The following SNX29 variants were observed in gnomAD, a reference collection of about 807,000 sequenced individuals.
SNX29 encodes the protein sorting nexin-29.
A neutral mutation model predicts 102.1 loss-of-function variants in SNX29; 78 were observed. The ratio of observed to expected loss-of-function variants is 0.76; its 90% CI spans 0.64 to 0.92. The LOEUF (loss-of-function observed/expected upper bound fraction) is 0.92. Among genes scored for constraint, SNX29 ranks in the 40% least tolerant of loss-of-function variants. The pLI is 0.00. For synonymous variants in SNX29, 580 were observed against 414.5 expected (o/e 1.40, Z -4.85); for missense variants, 1,280 against 1,061.7 (o/e 1.21, Z -2.86).
chr16:12,199,269 G>A (rs1435692326), intron 13 of SNX29, among the ~76,000 whole-genome samples: 3 of 152,204 alleles, frequency 2.0e-5, no homozygotes, highest in Non-Finnish European at 4.4e-5. Flanking sequence ...GAGAAGACTA[G>A]AGTTCCTGAC....
chr16:12,215,232 C>T (rs1016048108), intron 14 of SNX29, among the ~76,000 whole-genome samples: 8 of 151,812 alleles, frequency 5.3e-5, no homozygotes, highest in African/African-American at 1.7e-4. Context: ...CGGCGGCTTC[C>T]ACCTGTAATC....
At position 12,571,958 on chromosome 16, in the gene SNX29, C is replaced by G; in HGVS notation, c.*3329C>G. The G allele has an allele frequency of 1.9e-6, 2 of 1,061,822 alleles. No individual in the cohort carries two copies. The highest frequency in any genetic ancestry group is 2.3e-6 in the Non-Finnish European group (2 of 877,046). The allele number at this position is 1,061,822 out of a possible 1,614,324, so 65.8% of individuals were successfully genotyped here. A position where few individuals can be genotyped will look rare whatever the true frequency, so the allele number is the denominator to read the frequency against. On this transcript the variant is annotated 3_prime_UTR_variant, in exon 21 of 21. Coordinates refer to ENST00000566228, the MANE Select transcript of SNX29 (RefSeq NM_032167.5). ...GACACTTTCAGGGAAGAGGCTCTTA[C>G]AGTCTATGGTGGTAGCCATCTTCAC...
At chr16:12,034,264 C>G (rs985616534) in intron 4 of SNX29, among the ~76,000 whole-genome samples, 1 of 152,140 alleles carries the variant, frequency 6.6e-6, no homozygotes, top group African/African-American at 2.4e-5. Context: ...CTGGGTCCAT[C>G]CTTTTGATGG....
chr16:12,020,686 C>T (rs2056991892), intron 3 of SNX29, among the ~76,000 whole-genome samples: 1 of 150,272 alleles, frequency 6.7e-6, no homozygotes, highest in African/African-American at 2.5e-5. Flanking sequence ...TGCAGTGGTG[C>T]CATCTCGGCT....
intron 14 of SNX29, among the ~76,000 whole-genome samples, chr16:12,265,773 C>G (rs1040230920): frequency 2.1e-4 from 32 of 150,922 alleles, no homozygotes; most frequent in African/African-American, 6.8e-4. Context: ...GCCTGTAGTC[C>G]CAGCTACTTG....
At chr16:12,041,099 G>T (rs977999365) in intron 4 of SNX29, among the ~76,000 whole-genome samples, 2 of 152,170 alleles carry the variant, frequency 1.3e-5, no homozygotes, top group Admixed American at 6.5e-5. Flanking sequence ...GAGCTACCGC[G>T]CCATCCTGTT....
At chr16:12,543,092 G>A (rs1184571033) in intron 20 of SNX29, among the ~76,000 whole-genome samples, 1 of 152,196 alleles carries the variant, frequency 6.6e-6, no homozygotes, top group East Asian at 1.9e-4. Context: ...TCTGTCTGGT[G>A]GAAAGATGGA....
intron 20 of SNX29, among the ~76,000 whole-genome samples, chr16:12,547,735 C>A (rs1007640781): frequency 6.6e-6 from 1 of 152,156 alleles, no homozygotes; most frequent in East Asian, 1.9e-4. Context: ...ATCACTGCCC[C>A]TCTAAGCCTC....
Position 12,567,657 on chromosome 16 carries a change from G to A in SNX29, c.2319-849G>A, listed in dbSNP as rs571387137. ...AGTACCTATAGTCCCAGCTGCTCAG[G>A]AGGCTGAGGTGAGAGGATCACTTGA... On this transcript the variant is annotated intron_variant, in intron 20 of 20. Transcript: ENST00000566228. 9.2e-5 allele frequency among the ~76,000 whole-genome samples: 14 copies of A among 152,262 alleles called. No homozygotes were observed. In the South Asian group the frequency reaches 2.7e-3, roughly 29 times the overall value.
chr16:12,215,062 G>T (rs1177049270), intron 14 of SNX29, among the ~76,000 whole-genome samples: 1 of 152,154 alleles, frequency 6.6e-6, no homozygotes, highest in African/African-American at 2.4e-5. Context: ...ATGCATGAAT[G>T]AGTTTGCTGA....
chr16:12,309,867 T>C (rs2151130242), intron 15 of SNX29, among the ~76,000 whole-genome samples: 1 of 152,256 alleles, frequency 6.6e-6, no homozygotes, highest in Non-Finnish European at 1.5e-5. Context: ...CTACCCTTGG[T>C]CTGAAGTCTG....
chr16:12,179,887 C>G (rs1396654687), intron 13 of SNX29, among the ~76,000 whole-genome samples: 1 of 129,774 alleles, frequency 7.7e-6, no homozygotes, highest in Non-Finnish European at 1.8e-5. Context: ...CCTTAGAAGA[C>G]TTGCCCAAAG....
At chr16:12,376,024 C>A (rs2082860295) in intron 16 of SNX29, 1 of 115,218 alleles carries the variant, frequency 8.7e-6, no homozygotes, top group African/African-American at 4.0e-5. Flanking sequence ...CAGAGCGAGA[C>A]TCCGTCTCAA....
At chr16:12,007,080 T>G (rs1263115091) in intron 3 of SNX29, among the ~76,000 whole-genome samples, 2 of 152,138 alleles carry the variant, frequency 1.3e-5, no homozygotes, top group South Asian at 2.1e-4. Context: ...AAAAAAAAAA[T>G]TATTCTCCTC....
At position 12,536,713 on chromosome 16, in the gene SNX29, C is replaced by G. The variant is rs144901725; in HGVS notation, c.2318+11872C>G. Among the ~76,000 whole-genome samples, 20 of 152,276 alleles carry G rather than the reference C, an allele frequency of 1.3e-4. No individual in the cohort carries two copies. In the East Asian group the frequency reaches 3.9e-3, roughly 29 times the overall value. On this transcript the variant is annotated intron_variant, in intron 20 of 20. Coordinates refer to ENST00000566228, the MANE Select transcript of SNX29 (RefSeq NM_032167.5). ...GTTCAGGGGGCTGGACGTGGTGGCT[C>G]ACGCCTGTAATCTCAACACTTTGGG...
chr16:12,143,924 A>G (rs1454277795), intron 13 of SNX29, among the ~76,000 whole-genome samples: 1 of 152,218 alleles, frequency 6.6e-6, no homozygotes, highest in African/African-American at 2.4e-5. Context: ...GCTGAGGCCC[A>G]GACTCTCAGG....
chr16:12,455,029 T>C (rs1322151790), intron 18 of SNX29, among the ~76,000 whole-genome samples: 2 of 152,202 alleles, frequency 1.3e-5, no homozygotes, highest in Admixed American at 1.3e-4. Context: ...ATTACAGGCA[T>C]GAGCCATCAC....
At chr16:12,079,287 A>T (rs995352662) in intron 11 of SNX29, among the ~76,000 whole-genome samples, 1 of 152,230 alleles carries the variant, frequency 6.6e-6, no homozygotes, top group South Asian at 2.1e-4. Flanking sequence ...TCTCTCCAAG[A>T]TGATTAAACT....
Position 12,164,680 on chromosome 16 carries a change from CTTTTTTT to C in SNX29, c.1596-34906_1596-34900del, listed in dbSNP as rs34046413. On this transcript the variant is annotated intron_variant, in intron 13 of 20. Coordinates refer to ENST00000566228, the MANE Select transcript of SNX29 (RefSeq NM_032167.5). ...TTCATATAAGTGTGTTTATTCATGCCTTTTTTTTTTTTTTTTTTTTTGAGATGAAGTT... is the reference window on the plus strand; with the variant it reads ...TTCATATAAGTGTGTTTATTCATGCCTTTTTTTTTTTTTTGAGATGAAGTT... Among the ~76,000 whole-genome samples the C allele has an allele frequency of 4.0e-3, 358 of 90,600 alleles. 3 individuals carry two copies. The highest frequency in any genetic ancestry group is 0.018 in the Middle Eastern group (2 of 112). The allele number at this position is 90,600 out of a possible 152,430, so 59.4% of individuals were successfully genotyped here.
Sources: gnomAD v4.1 joint callset for allele counts (sites outside exome capture counted in the v4.1 genomes callset) on GRCh38, gnomAD v4.1.1 for gene constraint, MANE v1.5 for transcripts, NCBI Gene and HGNC (gene_info 2026-07-23, HGNC 2026-07-21) for gene names.